The following PTPRR variants were observed in gnomAD, a reference collection of about 807,000 sequenced individuals.
PTPRR encodes receptor-type tyrosine-protein phosphatase R.
A neutral mutation model predicts 77.2 loss-of-function variants in PTPRR; 38 were observed. The ratio of observed to expected loss-of-function variants is 0.49; its 90% CI spans 0.38 to 0.65. The LOEUF is 0.65. Among genes scored for constraint, PTPRR ranks in the 30% least tolerant of loss-of-function variants. The probability of loss-of-function intolerance (pLI) is 0.00; values close to 1 mark genes in which losing one functional copy is unlikely to be tolerated. For synonymous variants in PTPRR, 299 were observed against 283.1 expected (o/e 1.06, Z -0.57); for missense variants, 744 against 799.2 (o/e 0.93, Z 0.83).
chr12:70,795,913 ATTTTTTTTTTTTTTTTTTT>A (rs71437157), intron 2 of PTPRR, among the ~76,000 whole-genome samples: 2 of 88,390 alleles, frequency 2.3e-5, no homozygotes, highest in African/African-American at 8.0e-5. Context: ...TATTTAGTAG[ATTTTTTTTTTTTTTTTTTT>A]TTTTTTTTTG....
intron 1 of PTPRR, among the ~76,000 whole-genome samples, chr12:70,911,137 C>A (rs1259548521): frequency 6.6e-6 from 1 of 152,174 alleles, no homozygotes; most frequent in Non-Finnish European, 1.5e-5. Flanking sequence ...TTCCCATACC[C>A]ATGCCCCTCC....
chr12:70,662,137 G>C (rs990682597), intron 11 of PTPRR, among the ~76,000 whole-genome samples: 1 of 151,780 alleles, frequency 6.6e-6, no homozygotes, highest in East Asian at 1.9e-4. Context: ...CAGGCCTTAC[G>C]CAAAGCTGCT....
At chr12:70,747,049 A>G (rs1395043075) in intron 5 of PTPRR, among the ~76,000 whole-genome samples, 2 of 152,182 alleles carry the variant, frequency 1.3e-5, no homozygotes. Context: ...ATTAAGTAAA[A>G]GGTCTTCTTA....
chr12:70,814,591 G>C (rs1419955737), intron 2 of PTPRR, among the ~76,000 whole-genome samples: 1 of 152,122 alleles, frequency 6.6e-6, no homozygotes, highest in Non-Finnish European at 1.5e-5. Flanking sequence ...AGCAAGGCAT[G>C]GCTGCTAGCA....
chr12:70,738,487 T>A (rs189370957), intron 6 of PTPRR, among the ~76,000 whole-genome samples: 2 of 152,338 alleles, frequency 1.3e-5, no homozygotes, highest in African/African-American at 4.8e-5. Flanking sequence ...TGCACAGTGT[T>A]TACTTGTAAT....
intron 7 of PTPRR, 128 bp from the exon 8 acceptor site, chr12:70,698,477 C>G (rs1273409317): frequency 3.0e-6 from 2 of 673,150 alleles, no homozygotes; most frequent in Admixed American, 2.5e-5. Context: ...TCTAGCACCT[C>G]TGGTGGACCA....
At chr12:70,839,725 C>T (rs1032717321) in intron 2 of PTPRR, among the ~76,000 whole-genome samples, 1 of 152,124 alleles carries the variant, frequency 6.6e-6, no homozygotes, top group African/African-American at 2.4e-5. Context: ...CTTCTGGGCT[C>T]CCCCTTTTGG....
At chr12:70,871,293 TAGG>T (rs1288873188) in intron 2 of PTPRR, among the ~76,000 whole-genome samples, 1 of 152,174 alleles carries the variant, frequency 6.6e-6, no homozygotes, top group Non-Finnish European at 1.5e-5. Context: ...TACATAGGAT[TAGG>T]AGAAGTTTGT....
chr12:70,796,673 T>C (rs1475238310), intron 2 of PTPRR, among the ~76,000 whole-genome samples: 2 of 151,806 alleles, frequency 1.3e-5, no homozygotes, highest in Non-Finnish European at 2.9e-5. Flanking sequence ...AAAAGGAAAT[T>C]AATGAAATGC....
intron 2 of PTPRR, among the ~76,000 whole-genome samples, chr12:70,821,921 C>T (rs557736815): frequency 6.6e-5 from 10 of 152,270 alleles, no homozygotes; most frequent in Admixed American, 3.9e-4. Flanking sequence ...GCCTCGGCCT[C>T]CCAAAGTGCT....
At chr12:70,666,936 T>TG (rs1887024420) in intron 10 of PTPRR, among the ~76,000 whole-genome samples, 1 of 20,120 alleles carries the variant, frequency 5.0e-5, no homozygotes, top group Non-Finnish European at 8.2e-5. Context: ...TGTTTTTCTG[T>TG]TTTTTTTTTT....
At chr12:70,640,093 T>A (rs1262973936) in intron 13 of PTPRR, among the ~76,000 whole-genome samples, 1 of 152,252 alleles carries the variant, frequency 6.6e-6, no homozygotes, top group African/African-American at 2.4e-5. Flanking sequence ...CTTGCCTTCA[T>A]GAGAAATAAC....
chr12:70,686,704 G>A (rs1423757972), intron 8 of PTPRR, among the ~76,000 whole-genome samples: 1 of 152,126 alleles, frequency 6.6e-6, no homozygotes, highest in East Asian at 1.9e-4. Flanking sequence ...GGGAACTGAG[G>A]CCTCCAGCTG....
At chr12:70,788,815 C>T in intron 2 of PTPRR, 3 of 1,515,034 alleles carry the variant, frequency 2.0e-6, no homozygotes, top group Non-Finnish European at 2.7e-6. Context: ...GATTATCTCA[C>T]CTGTTTGGAA....
At position 70,764,755 on chromosome 12, in the gene PTPRR, C is replaced by G. The variant is rs1158622342; in HGVS notation, c.381G>C (p.Lys127Asn). The G allele has an allele frequency of 6.2e-6, 10 of 1,613,954 alleles. No homozygotes were observed. Among genetic ancestry groups the G allele is most frequent in the Non-Finnish European group, 8.5e-6 (10 of 1,179,846 alleles). Residue 127 changes from lysine (K) to asparagine (N), a missense_variant, in exon 3 of 14, where the codon AAG becomes AAC. This residue lies in a region of PTPRR where 570 missense variants were observed against 573.2 expected (regional missense o/e 0.99). Transcript: ENST00000283228. The part of the protein sequence containing the change: ...IVVTLQMDVN[K>N]LNITLLRIFR... ...AGATCCGAAGCAAGGTTATGTTCAG[C>G]TTGTTTACATCCATTTGCAGTGTCT...
At chr12:70,671,279 G>T (rs903635336) in intron 10 of PTPRR, among the ~76,000 whole-genome samples, 2 of 151,970 alleles carry the variant, frequency 1.3e-5, no homozygotes, top group South Asian at 4.2e-4. Flanking sequence ...CGTCTTTGGA[G>T]AGTCTAGACA....
intron 2 of PTPRR, among the ~76,000 whole-genome samples, chr12:70,766,479 A>G (rs1890825813): frequency 6.6e-6 from 1 of 152,178 alleles, no homozygotes; most frequent in Non-Finnish European, 1.5e-5. Flanking sequence ...GAATAAAAAG[A>G]AGTGAACAAA....
intron 2 of PTPRR, among the ~76,000 whole-genome samples, chr12:70,869,399 C>G (rs187518602): frequency 1.3e-5 from 2 of 152,142 alleles, no homozygotes; most frequent in African/African-American, 4.8e-5. Flanking sequence ...CCAGATGCTG[C>G]GTCCTAGAAG....
At chr12:70,711,932 C>T (rs1343961985) in intron 6 of PTPRR, among the ~76,000 whole-genome samples, 1 of 152,052 alleles carries the variant, frequency 6.6e-6, no homozygotes, top group Non-Finnish European at 1.5e-5. Context: ...TACCCAAGAA[C>T]AGTAAGTTAT....
Sources: allele counts gnomAD v4.1 joint callset (sites outside exome capture counted in the v4.1 genomes callset), GRCh38; gene constraint gnomAD v4.1.1; regional missense constraint gnomAD v4.1.1; transcripts MANE v1.5; gene names NCBI Gene and HGNC (gene_info 2026-07-23, HGNC 2026-07-21).